NPR3: variants seen among roughly 807,000 people sequenced by gnomAD.
NPR3 encodes the protein natriuretic peptide receptor 3, also known as atrial natriuretic peptide receptor 3.
A neutral mutation model predicts 54.5 loss-of-function variants in NPR3; 34 were observed. The observed-to-expected ratio is 0.62, with a 90% confidence interval of 0.47 to 0.83. NPR3 has a LOEUF of 0.83. Ranked by LOEUF, NPR3 falls within the 40% of genes least tolerant of loss-of-function variation. NPR3 has a pLI of 0.00. For synonymous variants in NPR3, 289 were observed against 297.1 expected, an observed-to-expected ratio of 0.97 and a Z score of 0.28; for missense variants, 674 against 720.8, an observed-to-expected ratio of 0.94 and a Z score of 0.74.
intron 1 of NPR3, among the ~76,000 whole-genome samples, chr5:32,702,417 AC>A (rs1737848293): frequency 1.9e-5 from 1 of 52,744 alleles, no homozygotes; most frequent in African/African-American, 7.5e-5. Context: ...CCCTCCCCCC[AC>A]CCCACAACAG....
At position 32,790,275 on chromosome 5, in the gene NPR3, C is replaced by T. The variant is rs1182757079; in HGVS notation, c.*3930C>T. 6.5e-6 allele frequency: 1 copy of T among 153,338 alleles called. No individual in the cohort carries two copies. The highest frequency in any genetic ancestry group is 1.4e-5 in the Non-Finnish European group (1 of 69,730). The allele number at this position is 153,338 out of a possible 1,614,324, so 9.5% of individuals were successfully genotyped here. A position where few individuals can be genotyped will look rare whatever the true frequency, so the allele number is the denominator to read the frequency against. On this transcript the variant is annotated 3_prime_UTR_variant, in exon 8 of 8. Coordinates refer to ENST00000265074, the MANE Select transcript of NPR3 (RefSeq NM_001204375.2). ...AACAGCCATACTCAGCAAGAAGAATCAGAAGCTTGATCCTCTAACAGAAAT... is the reference window on the plus strand; with the variant it reads ...AACAGCCATACTCAGCAAGAAGAATTAGAAGCTTGATCCTCTAACAGAAAT...
intron 3 of NPR3, among the ~76,000 whole-genome samples, chr5:32,765,749 A>T (rs1439749153): frequency 1.3e-5 from 2 of 152,212 alleles, no homozygotes; most frequent in Non-Finnish European, 2.9e-5. Context: ...TGGCTCACAT[A>T]AGGTTGATCT....
intron 1 of NPR3, among the ~76,000 whole-genome samples, chr5:32,692,172 T>TA (rs1257205401): frequency 1.3e-5 from 2 of 152,120 alleles, no homozygotes; most frequent in African/African-American, 4.8e-5. Context: ...TACTTGAGGT[T>TA]AAAAAAGAAC....
intron 3 of NPR3, among the ~76,000 whole-genome samples, chr5:32,740,746 G>T (rs1246433394): frequency 6.6e-6 from 1 of 152,090 alleles, no homozygotes; most frequent in Non-Finnish European, 1.5e-5. Context: ...TGGAAATCCA[G>T]TGTGATTTTA....
intron 1 of NPR3, among the ~76,000 whole-genome samples, chr5:32,695,196 G>C (rs186675800): frequency 6.6e-6 from 1 of 152,350 alleles, no homozygotes; most frequent in Non-Finnish European, 1.5e-5. Flanking sequence ...TCAGTGTACT[G>C]ATTTCCTTTC....
intron 1 of NPR3, among the ~76,000 whole-genome samples, chr5:32,698,177 G>T (rs916506320): frequency 6.6e-6 from 1 of 151,716 alleles, no homozygotes; most frequent in Non-Finnish European, 1.5e-5. Context: ...ATGGGTTTTG[G>T]TATGTTGTGT....
upstream of NPR3, among the ~76,000 whole-genome samples, chr5:32,707,111 A>G (rs1423618521): frequency 2.0e-5 from 3 of 152,152 alleles, no homozygotes; most frequent in South Asian, 4.1e-4. Flanking sequence ...CTGACTAGCT[A>G]TACGTTTTTC....
rs549669421 is a variant in NPR3 at position 32,757,756 on chromosome 5, T to C, written c.1060-16952T>C. Among the ~76,000 whole-genome samples, 86 of 152,346 alleles carry C rather than the reference T, an allele frequency of 5.6e-4. 1 individual carries two copies. In the East Asian group the frequency reaches 0.013, roughly 24 times the overall value. Reference sequence around the variant, plus strand: ...GTGGGTTTGTCATAAATAGCTCTTATTATTTTGAGATATGTCCCATCAATA... The same window carrying C: ...GTGGGTTTGTCATAAATAGCTCTTACTATTTTGAGATATGTCCCATCAATA... On this transcript the variant is annotated intron_variant, in intron 3 of 7. Transcript: ENST00000265074.
chr5:32,730,017 A>G (rs879805200), intron 2 of NPR3, among the ~76,000 whole-genome samples: 1 of 152,168 alleles, frequency 6.6e-6, no homozygotes, highest in African/African-American at 2.4e-5. Context: ...ACTGCCATTT[A>G]GTTGTTGTGT....
chr5:32,702,164 G>T (rs1282331654), intron 1 of NPR3, among the ~76,000 whole-genome samples: 1 of 152,182 alleles, frequency 6.6e-6, no homozygotes, highest in East Asian at 1.9e-4. Flanking sequence ...CCATCCAGGA[G>T]CCAGGGCCTA....
At chr5:32,748,578 T>G (rs1451973004) in intron 3 of NPR3, among the ~76,000 whole-genome samples, 1 of 152,188 alleles carries the variant, frequency 6.6e-6, no homozygotes, top group Non-Finnish European at 1.5e-5. Flanking sequence ...GGGAGAAATA[T>G]CCTGGCTTTT....
At chr5:32,759,060 C>T (rs1489993374) in intron 3 of NPR3, among the ~76,000 whole-genome samples, 1 of 152,154 alleles carries the variant, frequency 6.6e-6, no homozygotes, top group Non-Finnish European at 1.5e-5. Context: ...TGGTGTGGTG[C>T]TGAGAAGAAT....
At chr5:32,727,605 A>G (rs959684715) in intron 2 of NPR3, among the ~76,000 whole-genome samples, 1 of 152,006 alleles carries the variant, frequency 6.6e-6, no homozygotes. Context: ...ATTGTGCATT[A>G]TTCTTGCTGA....
At chr5:32,709,887 G>C (rs931855612), upstream of NPR3, 2 of 152,112 alleles carry the variant, frequency 1.3e-5, no homozygotes, top group Non-Finnish European at 2.9e-5. Context: ...GGGTTGAGTC[G>C]GGTGCAAGTT....
intron 4 of NPR3, among the ~76,000 whole-genome samples, chr5:32,775,786 T>C (rs1402215187): frequency 6.6e-6 from 1 of 152,146 alleles, no homozygotes; most frequent in East Asian, 1.9e-4. Context: ...TTAGTAGAGA[T>C]GGAGTTTCAC....
chr5:32,703,402 C>T (rs959212145), intron 1 of NPR3, among the ~76,000 whole-genome samples: 1 of 151,614 alleles, frequency 6.6e-6, no homozygotes, highest in Non-Finnish European at 1.5e-5. Flanking sequence ...ATTCCCTTTC[C>T]TTTTCTCAAG....
chr5:32,712,204 T>G lies in NPR3; in HGVS notation c.428T>G (p.Val143Gly). The change falls in exon 1 of 8, where the codon GTG becomes GGG. Residue 143 changes from valine to glycine, a missense_variant. Transcript: ENST00000265074. ...GPVCEYAAAPVARLASHWDLP... is the reference protein window; with the variant it reads ...GPVCEYAAAPGARLASHWDLP... ...GTGTGCGAGTATGCAGCAGCGCCAG[T>G]GGCCCGGCTTGCATCGCACTGGGAC... 6.2e-7 allele frequency: 1 copy of G among 1,612,772 alleles called. No individual in the cohort carries two copies. The highest frequency in any genetic ancestry group is 8.5e-7 in the Non-Finnish European group (1 of 1,179,648).
At position 32,721,076 on chromosome 5, in the gene NPR3, T is replaced by C. The variant is rs547207702; in HGVS notation, c.770-3622T>C. On this transcript the variant is annotated intron_variant, in intron 1 of 7. Transcript: ENST00000265074. ...GCATGAGTGAGACAACCCTAAGAGA[T>C]TGGGGAGCATCATAAAAATCTAGGA... Among the ~76,000 whole-genome samples the C allele has an allele frequency of 9.2e-5, 14 of 152,230 alleles. 1 individual carries two copies. The highest frequency in any genetic ancestry group is 2.2e-4 in the African/African-American group (9 of 41,540).
At chr5:32,722,480 T>C (rs749783018) in intron 1 of NPR3, among the ~76,000 whole-genome samples, 1 of 152,250 alleles carries the variant, frequency 6.6e-6, no homozygotes, top group Non-Finnish European at 1.5e-5. Flanking sequence ...TATACATATC[T>C]GAGTTAGGTT....
Sources: allele counts gnomAD v4.1 joint callset (sites outside exome capture counted in the v4.1 genomes callset), GRCh38; gene constraint gnomAD v4.1.1; transcripts MANE v1.5; gene names NCBI Gene and HGNC (gene_info 2026-07-23, HGNC 2026-07-21).